Variants in NRG1 observed in about 807,000 individuals in gnomAD.
NRG1 encodes neuregulin 1.
Under a neutral mutation model 63.8 loss-of-function variants are expected in NRG1, and 18 were observed. The ratio of observed to expected loss-of-function variants is 0.28; its 90% CI spans 0.19 to 0.42. The LOEUF is 0.42. NRG1 is among the 10% of genes least tolerant of loss of function. The probability of loss-of-function intolerance (pLI) is 1.00; values close to 1 mark genes in which losing one functional copy is unlikely to be tolerated. For missense variants in NRG1, 762 were observed against 814.7 expected (o/e 0.94, Z 0.79); for synonymous variants, 302 against 301.3 (o/e 1.00, Z -0.02).
chr8:32,435,112 A>C (rs939371109), intron 1 of NRG1, among the ~76,000 whole-genome samples: 2 of 152,144 alleles, frequency 1.3e-5, no homozygotes, highest in African/African-American at 4.8e-5. Flanking sequence ...AAAAATTGGG[A>C]TAGGTGAAGA....
intron 1 of NRG1, among the ~76,000 whole-genome samples, chr8:32,210,689 G>C (rs934487993): frequency 3.3e-4 from 50 of 152,168 alleles, no homozygotes; most frequent in Non-Finnish European, 4.7e-4. Context: ...CAAGCCTACA[G>C]ACCACCTCAC....
At chr8:32,546,381 A>G (rs975245129), upstream of NRG1, among the ~76,000 whole-genome samples, 1 of 152,092 alleles carries the variant, frequency 6.6e-6, no homozygotes, top group Non-Finnish European at 1.5e-5. Context: ...CAGTCCTTCA[A>G]TTCTAACATA....
At chr8:32,095,398 A>C (rs138101206) in intron 1 of NRG1, among the ~76,000 whole-genome samples, 2 of 152,332 alleles carry the variant, frequency 1.3e-5, no homozygotes, top group African/African-American at 4.8e-5. Context: ...TAGCATAAAT[A>C]TAAAAAATTC....
At chr8:32,199,562 T>C (rs987808796) in intron 1 of NRG1, among the ~76,000 whole-genome samples, 2 of 152,192 alleles carry the variant, frequency 1.3e-5, no homozygotes, top group African/African-American at 4.8e-5. Context: ...GTCTTTCACA[T>C]ATGATTGGTA....
At chr8:32,508,993 C>T (rs560458097) in intron 1 of NRG1, among the ~76,000 whole-genome samples, 3 of 152,218 alleles carry the variant, frequency 2.0e-5, no homozygotes, top group South Asian at 2.1e-4. Context: ...CTTCAGCCTC[C>T]CAAAGTGCTG....
intron 1 of NRG1, among the ~76,000 whole-genome samples, chr8:31,733,824 C>T (rs1814370330): frequency 1.3e-5 from 2 of 152,182 alleles, no homozygotes; most frequent in South Asian, 4.1e-4. Context: ...CTGCTGTCAG[C>T]TTTCCAAACA....
At chr8:32,631,499 T>C (rs1469897239) in intron 5 of NRG1, among the ~76,000 whole-genome samples, 1 of 152,214 alleles carries the variant, frequency 6.6e-6, no homozygotes, top group African/African-American at 2.4e-5. Flanking sequence ...TGCATCCTTA[T>C]AAATAATGCA....
chr8:32,590,614 A>G (rs767297768), intron 1 of NRG1, among the ~76,000 whole-genome samples: 41 of 152,320 alleles, frequency 2.7e-4, no homozygotes, highest in Non-Finnish European at 4.9e-4. Flanking sequence ...TTGGCCTTAT[A>G]AAGTTATTCC....
At chr8:32,377,572 A>C (rs1363128553) in intron 1 of NRG1, among the ~76,000 whole-genome samples, 2 of 152,298 alleles carry the variant, frequency 1.3e-5, no homozygotes, top group Admixed American at 1.3e-4. Context: ...GAACCAAAAC[A>C]GTTTTCACAT....
chr8:32,266,681 A>T (rs1850973084), intron 1 of NRG1, among the ~76,000 whole-genome samples: 1 of 152,138 alleles, frequency 6.6e-6, no homozygotes, highest in Non-Finnish European at 1.5e-5. Context: ...ACAGTTCTGA[A>T]GATTATCAAA....
intron 1 of NRG1, among the ~76,000 whole-genome samples, chr8:32,007,058 C>T (rs1239588194): frequency 6.6e-6 from 1 of 152,076 alleles, no homozygotes; most frequent in Non-Finnish European, 1.5e-5. Flanking sequence ...TCACATCCCA[C>T]TGACATTCCT....
chr8:31,826,269 TC>T (rs1450789248), intron 1 of NRG1, among the ~76,000 whole-genome samples: 1 of 152,130 alleles, frequency 6.6e-6, no homozygotes, highest in Non-Finnish European at 1.5e-5. Context: ...TTTGGCTGTG[TC>T]CCCACCCAAA....
At chr8:32,165,034 C>T (rs2131951676) in intron 1 of NRG1, among the ~76,000 whole-genome samples, 1 of 152,278 alleles carries the variant, frequency 6.6e-6, no homozygotes, top group South Asian at 2.1e-4. Context: ...CCCCCCAACA[C>T]ACACAAACAA....
chr8:32,160,710 C>T (rs1170295220), intron 1 of NRG1, among the ~76,000 whole-genome samples: 1 of 152,224 alleles, frequency 6.6e-6, no homozygotes, highest in Non-Finnish European at 1.5e-5. Context: ...GATAGTTTGA[C>T]ATTGTCAGCT....
chr8:31,833,555 C>A (rs1825378973), intron 1 of NRG1, among the ~76,000 whole-genome samples: 1 of 152,184 alleles, frequency 6.6e-6, no homozygotes, highest in Admixed American at 6.5e-5. Flanking sequence ...TGCTTGATTC[C>A]TTGGGCACCA....
At chr8:32,234,127 A>T (rs955328114) in intron 1 of NRG1, among the ~76,000 whole-genome samples, 3 of 152,230 alleles carry the variant, frequency 2.0e-5, no homozygotes, top group Admixed American at 6.5e-5. Flanking sequence ...TACATGCAAG[A>T]GAAATTGATC....
intron 1 of NRG1, among the ~76,000 whole-genome samples, chr8:32,217,549 C>T (rs1353183430): frequency 6.6e-6 from 1 of 152,034 alleles, no homozygotes; most frequent in Non-Finnish European, 1.5e-5. Flanking sequence ...ATTGCAATTG[C>T]CATCCTTTTT....
intron 1 of NRG1, among the ~76,000 whole-genome samples, chr8:31,790,495 T>C (rs1820597200): frequency 6.6e-6 from 1 of 152,182 alleles, no homozygotes; most frequent in Non-Finnish European, 1.5e-5. Flanking sequence ...TTAGGCAAAT[T>C]GGTTAACCCC....
Position 31,994,129 on chromosome 8 carries a change from A to G in NRG1, c.37+354698A>G, listed in dbSNP as rs186664252. 3.1e-4 allele frequency among the ~76,000 whole-genome samples: 47 copies of G among 152,126 alleles called. No homozygotes were observed. In the East Asian group the frequency reaches 9.1e-3, roughly 30 times the overall value. ...GAGGACAAGGTTTGAGGATAATTCTAATAGCTCTTATACAAAGATATTGAA... is the reference window on the plus strand; with the variant it reads ...GAGGACAAGGTTTGAGGATAATTCTGATAGCTCTTATACAAAGATATTGAA... On this transcript the variant is annotated intron_variant, in intron 1 of 10. Transcript: ENST00000519301.
Sources: allele counts gnomAD v4.1 joint callset (sites outside exome capture counted in the v4.1 genomes callset), GRCh38; gene constraint gnomAD v4.1.1; transcripts MANE v1.5; gene names NCBI Gene and HGNC (gene_info 2026-07-23, HGNC 2026-07-21).